The following ZDHHC14 variants were observed in gnomAD, a reference collection of about 807,000 sequenced individuals.
ZDHHC14 encodes palmitoyltransferase ZDHHC14.
Under a neutral mutation model 47.7 loss-of-function variants are expected in ZDHHC14, and 16 were observed. The observed-to-expected ratio is 0.34, with a 90% CI of 0.23 to 0.51. The LOEUF (loss-of-function observed/expected upper bound fraction) is 0.51, where lower values mean the gene tolerates loss of function less well. Ranked by LOEUF, ZDHHC14 falls within the 20% of genes least tolerant of loss-of-function variation. The probability of loss-of-function intolerance (pLI) is 0.97; values close to 1 mark genes in which losing one functional copy is unlikely to be tolerated. For synonymous variants in ZDHHC14, 293 were observed against 278.9 expected, an observed-to-expected ratio of 1.05 and a Z score of -0.50; for missense variants, 515 against 662.5, an observed-to-expected ratio of 0.78 and a Z score of 2.44.
intron 2 of ZDHHC14, among the ~76,000 whole-genome samples, chr6:157,560,561 T>C (rs970389332): frequency 2.6e-5 from 4 of 152,234 alleles, no homozygotes; most frequent in African/African-American, 9.6e-5. Context: ...AAACAAGTTT[T>C]TTTTTGTGAT....
At chr6:157,522,988 T>TCCTTCC (rs1562461120) in intron 1 of ZDHHC14, among the ~76,000 whole-genome samples, 4 of 66,612 alleles carry the variant, frequency 6.0e-5, no homozygotes, top group African/African-American at 4.0e-4. Flanking sequence ...TTCTTTTTCT[T>TCCTTCC]TTCTTTTCTT....
At chr6:157,450,380 C>T (rs1347367691) in intron 1 of ZDHHC14, among the ~76,000 whole-genome samples, 1 of 151,846 alleles carries the variant, frequency 6.6e-6, no homozygotes, top group Non-Finnish European at 1.5e-5. Flanking sequence ...TAAATTGTTT[C>T]ATGAACTTTA....
chr6:157,432,352 C>T (rs765839023), intron 1 of ZDHHC14, among the ~76,000 whole-genome samples: 2 of 152,228 alleles, frequency 1.3e-5, no homozygotes. Context: ...ATTATTCATT[C>T]CTTTGTTAAT....
At position 157,542,572 on chromosome 6, in the gene ZDHHC14, A is replaced by G. The variant is rs540974877; in HGVS notation, c.246-13A>G. ...TTTTCCCCTTCTCTCCGGTCTGTCC[A>G]ACCTGTCGGCAGCTGTCCGTACCTG... On this transcript the variant is annotated splice_polypyrimidine_tract_variant and intron_variant, in intron 1 of 8. Coordinates refer to ENST00000359775, the MANE Select transcript of ZDHHC14 (RefSeq NM_024630.3). The G allele has an allele frequency of 1.7e-5, 27 of 1,613,800 alleles. No individual in the cohort carries two copies. In the East Asian group the frequency reaches 5.3e-4, roughly 32 times the overall value.
chr6:157,473,290 G>T lies in ZDHHC14; in HGVS notation c.246-69295G>T, dbSNP rs189538232. ...GTTCCTCCTGTTTGACTGGAATTTT[G>T]TGTCCTTTGACCAACATTTCCCCAG... is the stretch of plus-strand genomic sequence containing the variant. On this transcript the variant is annotated intron_variant, in intron 1 of 8. Transcript: ENST00000359775. 2.0e-5 allele frequency among the ~76,000 whole-genome samples: 3 copies of T among 152,248 alleles called. No homozygotes were observed. In the East Asian group the frequency reaches 5.8e-4, roughly 29 times the overall value.
At chr6:157,460,615 A>G (rs1481317189) in intron 1 of ZDHHC14, among the ~76,000 whole-genome samples, 1 of 152,104 alleles carries the variant, frequency 6.6e-6, no homozygotes, top group South Asian at 2.1e-4. Flanking sequence ...CTCAAATCCA[A>G]TTTCCCATAT....
At chr6:157,643,075 A>G (rs1047106159) in intron 5 of ZDHHC14, among the ~76,000 whole-genome samples, 2 of 152,210 alleles carry the variant, frequency 1.3e-5, no homozygotes, top group East Asian at 1.9e-4. Context: ...TTTCTGCCTC[A>G]GTTTCCCTGT....
rs531032273 is a variant in ZDHHC14, at chr6:157,586,530, C to G, written c.407-6458C>G. Among the ~76,000 whole-genome samples, 17 of 152,164 alleles carry G rather than the reference C, an allele frequency of 1.1e-4. No homozygotes were observed. The highest frequency in any genetic ancestry group is 3.4e-4 in the African/African-American group (14 of 41,508). On this transcript the variant is annotated intron_variant, in intron 2 of 8. Coordinates refer to ENST00000359775, the MANE Select transcript of ZDHHC14 (RefSeq NM_024630.3). This position sits in a 1 kb window ranked among gnomAD's most constrained non-coding sequence, Gnocchi z 4.6. ...ATGGATTGTGTGCTGTATGGGAGGG[C>G]CTGAGTTTCTTGATGGGACTTGCAT...
chr6:157,532,218 A>G (rs1781392541), intron 1 of ZDHHC14, among the ~76,000 whole-genome samples: 1 of 152,206 alleles, frequency 6.6e-6, no homozygotes. Flanking sequence ...TCAGTGTGCA[A>G]TCTGAAACAA....
chr6:157,430,082 C>T (rs1047471070), intron 1 of ZDHHC14, among the ~76,000 whole-genome samples: 3 of 151,880 alleles, frequency 2.0e-5, no homozygotes, highest in Non-Finnish European at 4.4e-5. Flanking sequence ...TTTGGGAGGC[C>T]GAGGCAGGCA....
At chr6:157,457,819 C>G (rs559612887) in intron 1 of ZDHHC14, among the ~76,000 whole-genome samples, 1 of 152,174 alleles carries the variant, frequency 6.6e-6, no homozygotes, top group Non-Finnish European at 1.5e-5. Context: ...CGCCCTCAAC[C>G]AAATGCAGCA....
At chr6:157,436,663 A>G (rs1396317304) in intron 1 of ZDHHC14, among the ~76,000 whole-genome samples, 1 of 152,046 alleles carries the variant, frequency 6.6e-6, no homozygotes, top group Non-Finnish European at 1.5e-5. Flanking sequence ...GGTCTGCGGG[A>G]CTTGGCAGTG....
At chr6:157,620,239 A>G (rs945032740) in intron 3 of ZDHHC14, among the ~76,000 whole-genome samples, 1 of 152,184 alleles carries the variant, frequency 6.6e-6, no homozygotes, top group Admixed American at 6.5e-5. Flanking sequence ...CAGAGTCTCA[A>G]GGTGGCCCAA....
intron 1 of ZDHHC14, among the ~76,000 whole-genome samples, chr6:157,400,692 C>A (rs1221556650): frequency 6.6e-6 from 1 of 152,198 alleles, no homozygotes; most frequent in African/African-American, 2.4e-5. Flanking sequence ...CTTGTGTTCA[C>A]CCTGCTGTGC....
intron 1 of ZDHHC14, among the ~76,000 whole-genome samples, chr6:157,477,262 C>T (rs113032923): frequency 1.3e-4 from 20 of 152,212 alleles, no homozygotes; most frequent in South Asian, 2.1e-4. Context: ...CACCTGTAAT[C>T]GCAGCTACTC....
intron 3 of ZDHHC14, among the ~76,000 whole-genome samples, 195 bp downstream of exon 3, chr6:157,593,341 G>T (rs897468249): frequency 1.3e-5 from 2 of 152,172 alleles, no homozygotes; most frequent in African/African-American, 4.8e-5. Flanking sequence ...CACCGCCCTT[G>T]GCTGCGAGGG....
At chr6:157,409,099 G>A (rs1414230144) in intron 1 of ZDHHC14, among the ~76,000 whole-genome samples, 1 of 152,240 alleles carries the variant, frequency 6.6e-6, no homozygotes, top group African/African-American at 2.4e-5. Context: ...CGCTGTCACT[G>A]TGCCCTAACG....
At chr6:157,443,638 C>T (rs1054639419) in intron 1 of ZDHHC14, among the ~76,000 whole-genome samples, 1 of 152,224 alleles carries the variant, frequency 6.6e-6, no homozygotes, top group African/African-American at 2.4e-5. Context: ...TGAGGTTTAG[C>T]ACATGTCCAG....
At chr6:157,464,184 T>G (rs551326765) in intron 1 of ZDHHC14, among the ~76,000 whole-genome samples, 1 of 152,358 alleles carries the variant, frequency 6.6e-6, no homozygotes, top group Non-Finnish European at 1.5e-5. Flanking sequence ...TTCTTTAACC[T>G]TAGAGTTCTG....
Sources: allele counts gnomAD v4.1 joint callset (sites outside exome capture counted in the v4.1 genomes callset), GRCh38; gene constraint gnomAD v4.1.1; non-coding constraint Gnocchi (gnomAD v3.1); transcripts MANE v1.5; gene names NCBI Gene and HGNC (gene_info 2026-07-23, HGNC 2026-07-21).